GRIN3A: variants seen among roughly 807,000 people sequenced by gnomAD.
GRIN3A encodes the protein glutamate receptor ionotropic, NMDA 3A.
Under a neutral mutation model 92.4 loss-of-function variants are expected in GRIN3A, and 47 were observed. The ratio of observed to expected loss-of-function variants is 0.51; its 90% CI spans 0.40 to 0.65. The LOEUF (loss-of-function observed/expected upper bound fraction) is 0.65. Among genes scored for constraint, GRIN3A ranks in the 30% least tolerant of loss-of-function variants. The probability of loss-of-function intolerance (pLI) is 0.00; values close to 1 mark genes in which losing one functional copy is unlikely to be tolerated. For missense variants in GRIN3A, 1,324 were observed against 1,393.1 expected (o/e 0.95, Z 0.79); for synonymous variants, 527 against 540.6 (o/e 0.97, Z 0.35).
At chr9:101,665,037 T>C (rs1181363258) in intron 3 of GRIN3A, among the ~76,000 whole-genome samples, 1 of 140,804 alleles carries the variant, frequency 7.1e-6, no homozygotes, top group Non-Finnish European at 1.6e-5. Context: ...GTGTTTAGAT[T>C]CCAAGACTAA....
intron 1 of GRIN3A, among the ~76,000 whole-genome samples, chr9:101,723,832 T>G (rs897810870): frequency 1.4e-5 from 2 of 142,968 alleles, no homozygotes; most frequent in Admixed American, 6.8e-5. Flanking sequence ...TTTACAAACC[T>G]TGAGCTAGAT....
chr9:101,613,626 A>G, intron 5 of GRIN3A, 99 bp from the exon 6 acceptor site: 2 of 1,123,292 alleles, frequency 1.8e-6, no homozygotes, highest in Non-Finnish European at 1.3e-6. Flanking sequence ...GACCAAAAAA[A>G]GGGCGTGATG....
chr9:101,677,950 G>T (rs1036110098), intron 2 of GRIN3A, among the ~76,000 whole-genome samples: 8 of 152,082 alleles, frequency 5.3e-5, no homozygotes, highest in Non-Finnish European at 1.0e-4. Flanking sequence ...GCCCTCAAAG[G>T]CATGGGTTTG....
chr9:101,668,229 T>G (rs1035804822), intron 3 of GRIN3A, among the ~76,000 whole-genome samples: 1 of 132,504 alleles, frequency 7.5e-6, no homozygotes, highest in African/African-American at 2.5e-5. Flanking sequence ...ATAATCACTC[T>G]TACAGATTTT....
chr9:101,625,663 A>G (rs1828623989), intron 4 of GRIN3A, among the ~76,000 whole-genome samples: 1 of 152,202 alleles, frequency 6.6e-6, no homozygotes, highest in African/African-American at 2.4e-5. Flanking sequence ...CCAGCTCTAC[A>G]GTAATGGGAA....
In GRIN3A at chr9:101,628,310, T is replaced by A; in HGVS notation, c.2444A>T (p.Glu815Val). 6.2e-7 allele frequency: 1 copy of A among 1,613,956 alleles called. No homozygotes were observed. The highest frequency in any genetic ancestry group is 8.5e-7 in the Non-Finnish European group (1 of 1,179,890). ...YVRQSFPEMH[E>V]YMRRYNVPAT... ...TGGAACATTGTACCTTCTCATATAT[T>A]CATGCATCTCTGGGAAACTTTGTCT... is the stretch of plus-strand genomic sequence containing the variant. Residue 815 changes from glutamate to valine, a missense_variant, in exon 4 of 9, where the codon GAA becomes GTA. By Grantham distance (121) the Glu-to-Val change is moderately radical. Coordinates refer to ENST00000361820, the MANE Select transcript of GRIN3A (RefSeq NM_133445.3).
chr9:101,618,112 C>G (rs960182858), intron 5 of GRIN3A, among the ~76,000 whole-genome samples: 1 of 151,772 alleles, frequency 6.6e-6, no homozygotes, highest in Non-Finnish European at 1.5e-5. Context: ...CAATACCATT[C>G]AGGACATAGG....
At chr9:101,656,750 C>G (rs570318256) in intron 3 of GRIN3A, among the ~76,000 whole-genome samples, 34 of 151,922 alleles carry the variant, frequency 2.2e-4, no homozygotes, top group African/African-American at 6.0e-4. Flanking sequence ...TAAATTCTCC[C>G]TAAGATAGAA....
At chr9:101,721,192 C>T (rs1047780064) in intron 1 of GRIN3A, among the ~76,000 whole-genome samples, 29 of 152,050 alleles carry the variant, frequency 1.9e-4, no homozygotes, top group African/African-American at 6.8e-4. Flanking sequence ...GCCAGTTTTC[C>T]CATTCTATTC....
intron 3 of GRIN3A, among the ~76,000 whole-genome samples, chr9:101,655,838 G>T (rs34920714): frequency 0.072 from 10,884 of 151,884 alleles, 519 homozygotes; most frequent in East Asian, 0.22. Context: ...TTTCTAAAAG[G>T]TTGTAAAAAT....
chr9:101,577,920 G>T (rs1025355877), intron 7 of GRIN3A, 76 bp from the exon 8 acceptor site: 3 of 1,041,134 alleles, frequency 2.9e-6, no homozygotes, highest in Non-Finnish European at 4.5e-6. Flanking sequence ...CACTTGAGAT[G>T]TAACAGTATA....
rs191941176 is a variant in GRIN3A at position 101,662,063 on chromosome 9, C to T, written c.2352+7997G>A. Among the ~76,000 whole-genome samples the T allele has an allele frequency of 5.5e-4, 83 of 151,424 alleles. 1 individual carries two copies. The highest frequency in any genetic ancestry group is 4.6e-3 in the Admixed American group (70 of 15,174). ...ACTTATATATACCTTGCTATCTTCCCGAAAAGATTTAAGGCAGCTTAAAGG... is the reference window on the plus strand; with the variant it reads ...ACTTATATATACCTTGCTATCTTCCTGAAAAGATTTAAGGCAGCTTAAAGG... On this transcript the variant is annotated intron_variant, in intron 3 of 8. Coordinates refer to ENST00000361820, the MANE Select transcript of GRIN3A (RefSeq NM_133445.3).
chr9:101,597,121 A>G (rs1248236856), intron 6 of GRIN3A, among the ~76,000 whole-genome samples: 1 of 152,216 alleles, frequency 6.6e-6, no homozygotes, highest in Non-Finnish European at 1.5e-5. Flanking sequence ...AACCACTGAC[A>G]GATTCCAAGT....
chr9:101,690,781 G>A (rs369403471), intron 1 of GRIN3A, among the ~76,000 whole-genome samples: 1 of 151,944 alleles, frequency 6.6e-6, no homozygotes, highest in South Asian at 2.1e-4. Flanking sequence ...GTACTAATAG[G>A]TACTAATGGA....
chr9:101,600,199 T>C (rs1331169784), intron 6 of GRIN3A, among the ~76,000 whole-genome samples: 1 of 152,196 alleles, frequency 6.6e-6, no homozygotes, highest in Non-Finnish European at 1.5e-5. Context: ...GGGTGCTCAA[T>C]GCCTATCACA....
chr9:101,582,181 C>T (rs1241097684), intron 6 of GRIN3A, among the ~76,000 whole-genome samples: 6 of 152,142 alleles, frequency 3.9e-5, no homozygotes, highest in East Asian at 1.9e-4. Flanking sequence ...GAGAAACAGC[C>T]GGCCAGGCAT....
chr9:101,670,072 T>C lies in GRIN3A; in HGVS notation c.2340A>G (p.Ile780Met). 2.5e-6 allele frequency: 4 copies of C among 1,612,074 alleles called. No homozygotes were observed. Among genetic ancestry groups the C allele is most frequent in the Non-Finnish European group, 2.5e-6 (3 of 1,178,242 alleles). Residue 780 changes from isoleucine to methionine, a missense_variant, in exon 3 of 9, where the codon ATA becomes ATG. Physicochemically the swap from Ile to Met is conservative, Grantham distance 10. Coordinates refer to ENST00000361820, the MANE Select transcript of GRIN3A (RefSeq NM_133445.3). Reference sequence around the variant, plus strand: ...AATGAAGTATTACCTTGGGGTCATGTATTCCAGAAAGCTCTTCATAGATCT... The same window carrying C: ...AATGAAGTATTACCTTGGGGTCATGCATTCCAGAAAGCTCTTCATAGATCT... The part of the protein sequence containing the change: ...GEKIYEELSG[I>M]HDPKLHHPSQ...
At position 101,577,859 on chromosome 9, in the gene GRIN3A, A is replaced by G. The variant is rs771340187; in HGVS notation, c.2932-15T>C. On this transcript the variant is annotated splice_polypyrimidine_tract_variant and intron_variant, in intron 7 of 8. Coordinates refer to ENST00000361820, the MANE Select transcript of GRIN3A (RefSeq NM_133445.3). ...CTGTGTAATCTCTGATGGAGAAAAC[A>G]GATTCACAGGTAGAAATTATGAGAA... 11 of 1,581,406 alleles carry G rather than the reference A, an allele frequency of 7.0e-6. No individual in the cohort carries two copies. Among genetic ancestry groups the G allele is most frequent in the Admixed American group, 3.3e-5 (2 of 59,922 alleles).
intron 6 of GRIN3A, among the ~76,000 whole-genome samples, chr9:101,606,500 A>G (rs375461948): frequency 1.3e-4 from 19 of 151,974 alleles, no homozygotes; most frequent in African/African-American, 4.1e-4. Flanking sequence ...AGGTCTCTTA[A>G]TTCTTCCCTT....
Sources: allele counts gnomAD v4.1 joint callset (sites outside exome capture counted in the v4.1 genomes callset), GRCh38; gene constraint gnomAD v4.1.1; transcripts MANE v1.5; gene names NCBI Gene and HGNC (gene_info 2026-07-23, HGNC 2026-07-21).